Variants in DTWD2 observed in about 807,000 individuals in gnomAD.
DTWD2 encodes DTW motif tRNA-uridine aminocarboxypropyltransferase 2.
Under a neutral mutation model 31.8 loss-of-function variants are expected in DTWD2, and 39 were observed. That is an observed-to-expected ratio of 1.22 (90% CI 0.95 to 1.60). DTWD2 has a LOEUF of 1.60. Among genes scored for constraint, DTWD2 ranks in the 40% most tolerant of loss-of-function variants. DTWD2 has a pLI of 0.00. For synonymous variants in DTWD2, 180 were observed against 142.8 expected (o/e 1.26, Z -1.86); for missense variants, 515 against 381.5 (o/e 1.35, Z -2.92).
At chr5:118,886,055 C>T (rs976806456) in intron 4 of DTWD2, among the ~76,000 whole-genome samples, 2 of 152,162 alleles carry the variant, frequency 1.3e-5, no homozygotes, top group Non-Finnish European at 2.9e-5. Context: ...ACCTAATAAG[C>T]CAGACCCATA....
chr5:118,846,935 C>CAAA (rs1487394553), intron 5 of DTWD2, among the ~76,000 whole-genome samples: 1 of 124,422 alleles, frequency 8.0e-6, no homozygotes, highest in African/African-American at 5.2e-5. Context: ...CACACACACA[C>CAAA]ACACACACAC....
chr5:118,881,141 G>A (rs1006663581), intron 4 of DTWD2, among the ~76,000 whole-genome samples: 1 of 152,098 alleles, frequency 6.6e-6, no homozygotes, highest in African/African-American at 2.4e-5. Context: ...GCTACCTTGT[G>A]TTTCTCATAC....
chr5:118,871,866 T>G (rs1417436603), intron 4 of DTWD2, among the ~76,000 whole-genome samples: 1 of 152,196 alleles, frequency 6.6e-6, no homozygotes, highest in Non-Finnish European at 1.5e-5. Flanking sequence ...ACCCAGGCAC[T>G]GATTTCTCTC....
intron 1 of DTWD2, among the ~76,000 whole-genome samples, chr5:118,977,639 A>G (rs1755195812): frequency 6.6e-6 from 1 of 152,188 alleles, no homozygotes; most frequent in South Asian, 2.1e-4. Flanking sequence ...AGGGAAGTGA[A>G]GGACCTCTTT....
intron 1 of DTWD2, chr5:118,974,082 A>C: frequency 6.2e-7 from 1 of 1,602,314 alleles, no homozygotes; most frequent in Non-Finnish European, 8.5e-7. Flanking sequence ...GATGAGGATG[A>C]CGATGTCGAT....
intron 4 of DTWD2, among the ~76,000 whole-genome samples, chr5:118,903,580 A>C (rs1753263407): frequency 6.6e-6 from 1 of 152,068 alleles, no homozygotes; most frequent in African/African-American, 2.4e-5. Context: ...GAAGCCAAGC[A>C]GAATTTTCAA....
rs568055714 is a variant in DTWD2, at chr5:118,981,602, C to G, written c.218+6692G>C. Among the ~76,000 whole-genome samples the G allele has an allele frequency of 7.6e-4, 115 of 152,204 alleles. 1 individual carries two copies. Among genetic ancestry groups the G allele is most frequent in the African/African-American group, 2.8e-3 (115 of 41,544 alleles). ...AAGAGATGGGGTCTTACTCTGTCAC[C>G]CAGGCAAGAGCACAGTGGCACCTTC... is the stretch of plus-strand genomic sequence containing the variant. On this transcript the variant is annotated intron_variant, in intron 1 of 5. Coordinates refer to ENST00000510708, the MANE Select transcript of DTWD2 (RefSeq NM_173666.4).
At chr5:118,943,444 G>A (rs530486537) in intron 2 of DTWD2, among the ~76,000 whole-genome samples, 11 of 152,108 alleles carry the variant, frequency 7.2e-5, no homozygotes, top group African/African-American at 1.9e-4. Flanking sequence ...CCAGCTACTC[G>A]GGAGGCCGAG....
rs556193387 is a variant in DTWD2, at chr5:118,958,251, G to A, written c.219-13602C>T. On this transcript the variant is annotated intron_variant, in intron 1 of 5. Coordinates refer to ENST00000510708, the MANE Select transcript of DTWD2 (RefSeq NM_173666.4). ...GGGCAGATCATGAGGTCAGGAGCTC[G>A]AGACCATCCTGGCTAACACAGTGAA... 1.2e-4 allele frequency among the ~76,000 whole-genome samples: 19 copies of A among 152,102 alleles called. 1 individual carries two copies. In the South Asian group the frequency reaches 2.9e-3, roughly 23 times the overall value.
At chr5:118,926,931 C>T (rs1677947490) in intron 4 of DTWD2, among the ~76,000 whole-genome samples, 1 of 152,166 alleles carries the variant, frequency 6.6e-6, no homozygotes, top group Non-Finnish European at 1.5e-5. Flanking sequence ...GCTGTTGTAA[C>T]ATTCATTTCT....
intron 1 of DTWD2, among the ~76,000 whole-genome samples, chr5:118,947,793 T>C (rs565028473): frequency 9.1e-4 from 138 of 152,276 alleles, no homozygotes; most frequent in African/African-American, 3.2e-3. Context: ...TGAGCCACCA[T>C]ACTCAACCAA....
chr5:118,893,794 T>G (rs958242842), intron 4 of DTWD2, among the ~76,000 whole-genome samples: 1 of 152,072 alleles, frequency 6.6e-6, no homozygotes, highest in Admixed American at 6.6e-5. Context: ...GGAGCACAGA[T>G]AGCCTCTAGA....
intron 4 of DTWD2, among the ~76,000 whole-genome samples, chr5:118,864,776 A>C (rs1171283910): frequency 6.6e-6 from 1 of 152,004 alleles, no homozygotes; most frequent in Non-Finnish European, 1.5e-5. Context: ...TATGTTTTTC[A>C]CCTATTCCTA....
Position 118,838,853 on chromosome 5 carries a change from T to C in DTWD2, c.*2064A>G, listed in dbSNP as rs1274748391. 1.3e-5 allele frequency: 2 copies of C among 152,156 alleles called. No individual in the cohort carries two copies. The highest frequency in any genetic ancestry group is 2.9e-5 in the Non-Finnish European group (2 of 68,022). 9.4% of individuals were successfully genotyped at this position (152,156 alleles called of 1,614,324 possible). ...TAAAATTTTGAGATACAAAATGGTA[T>C]ACTGGGGGTAGGGGGAGTTTTCTTT... On this transcript the variant is annotated 3_prime_UTR_variant, in exon 6 of 6. Coordinates refer to ENST00000510708, the MANE Select transcript of DTWD2 (RefSeq NM_173666.4).
At chr5:118,891,876 C>A (rs1752984063) in intron 4 of DTWD2, among the ~76,000 whole-genome samples, 1 of 152,002 alleles carries the variant, frequency 6.6e-6, no homozygotes, top group Admixed American at 6.6e-5. Flanking sequence ...CTCAAACATC[C>A]AGAAAGAAAA....
At chr5:118,939,608 T>G (rs1242603487) in intron 2 of DTWD2, among the ~76,000 whole-genome samples, 1 of 152,186 alleles carries the variant, frequency 6.6e-6, no homozygotes, top group African/African-American at 2.4e-5. Context: ...CTCTGACAAG[T>G]TTTTCATTTC....
intron 4 of DTWD2, among the ~76,000 whole-genome samples, chr5:118,853,279 G>C (rs1009406487): frequency 6.6e-6 from 1 of 152,158 alleles, no homozygotes; most frequent in East Asian, 1.9e-4. Flanking sequence ...GAGAAAAGGA[G>C]ATGCTTATAC....
intron 1 of DTWD2, among the ~76,000 whole-genome samples, chr5:118,962,817 G>C (rs926801392): frequency 1.3e-5 from 2 of 152,220 alleles, no homozygotes; most frequent in Non-Finnish European, 1.5e-5. Flanking sequence ...CTAAGGCTTA[G>C]AGAGGTTAAG....
chr5:118,840,971 C>A lies in DTWD2; in HGVS notation c.843G>T (p.Lys281Asn), dbSNP rs1261401722. The change falls in exon 6 of 6, where the codon AAG (lysine) becomes AAT (asparagine). Residue 281 changes from lysine (K) to asparagine (N), a missense_variant. Coordinates refer to ENST00000510708, the MANE Select transcript of DTWD2 (RefSeq NM_173666.4). ...KNGLYPKPMP[K>N]NKRKLRKMEL... is the part of the protein sequence containing the mutation. ...CCATTTTCCTGAGTTTGCGTTTGTTCTTTGGCATTGGTTTAGGATATAATC... is the reference window on the plus strand; with the variant it reads ...CCATTTTCCTGAGTTTGCGTTTGTTATTTGGCATTGGTTTAGGATATAATC... 2 of 1,613,656 alleles carry A rather than the reference C, an allele frequency of 1.2e-6. No individual in the cohort carries two copies. The highest frequency in any genetic ancestry group is 8.5e-7 in the Non-Finnish European group (1 of 1,179,792).
Sources: allele counts gnomAD v4.1 joint callset (sites outside exome capture counted in the v4.1 genomes callset), GRCh38; gene constraint gnomAD v4.1.1; transcripts MANE v1.5; gene names NCBI Gene and HGNC (gene_info 2026-07-23, HGNC 2026-07-21).